Variants in SPOCK1 observed in about 807,000 individuals in gnomAD.
SPOCK1 encodes the protein testican-1.
In SPOCK1, 23 loss-of-function variants were observed where a neutral mutation model predicts 55.3. That is an observed-to-expected ratio of 0.42 (90% CI 0.30 to 0.59). The LOEUF (loss-of-function observed/expected upper bound fraction) is 0.59, where lower values mean the gene tolerates loss of function less well. Ranked by LOEUF, SPOCK1 falls within the 20% of genes least tolerant of loss-of-function variation. SPOCK1 has a pLI of 0.22. For synonymous variants in SPOCK1, 226 were observed against 221.0 expected (o/e 1.02, Z -0.20); for missense variants, 499 against 552.5 (o/e 0.90, Z 0.97).
chr5:137,081,880 G>A (rs1283438202), intron 5 of SPOCK1, among the ~76,000 whole-genome samples: 2 of 152,228 alleles, frequency 1.3e-5, no homozygotes, highest in African/African-American at 4.8e-5. Context: ...TGCAAGAGTC[G>A]ATTCTCTGAT....
At chr5:137,236,231 AG>A (rs34702378) in intron 3 of SPOCK1, among the ~76,000 whole-genome samples, 1 of 152,232 alleles carries the variant, frequency 6.6e-6, no homozygotes, top group African/African-American at 2.4e-5. Context: ...AGGGCCCTCT[AG>A]GCCCAGGAGA....
intron 2 of SPOCK1, among the ~76,000 whole-genome samples, chr5:137,384,340 C>T (rs1027892450): frequency 2.0e-5 from 3 of 152,116 alleles, no homozygotes; most frequent in African/African-American, 7.2e-5. Flanking sequence ...GAACCCAAAC[C>T]CTGCTCTACC....
chr5:137,387,058 G>A (rs1481434790), intron 2 of SPOCK1, among the ~76,000 whole-genome samples: 20 of 152,132 alleles, frequency 1.3e-4, no homozygotes, highest in Admixed American at 1.3e-3. Flanking sequence ...ATGAAAAGAT[G>A]CTTCACATCA....
chr5:137,159,370 T>G (rs576570873), intron 3 of SPOCK1, among the ~76,000 whole-genome samples: 2 of 152,242 alleles, frequency 1.3e-5, no homozygotes, highest in South Asian at 4.2e-4. Context: ...TAAAGCTAAT[T>G]AGGATCATTT....
intron 5 of SPOCK1, among the ~76,000 whole-genome samples, chr5:137,096,603 G>A (rs1753150989): frequency 6.6e-6 from 1 of 152,224 alleles, no homozygotes; most frequent in Admixed American, 6.5e-5. Flanking sequence ...GGCTGCTTGT[G>A]ATACTTGAAA....
chr5:137,200,223 T>A (rs1344135413), intron 3 of SPOCK1, among the ~76,000 whole-genome samples: 1 of 152,208 alleles, frequency 6.6e-6, no homozygotes, highest in African/African-American at 2.4e-5. Context: ...ACAGGCCAGA[T>A]GCACCCTTTT....
At chr5:137,087,424 T>C (rs1752978845) in intron 5 of SPOCK1, among the ~76,000 whole-genome samples, 1 of 152,234 alleles carries the variant, frequency 6.6e-6, no homozygotes. Context: ...ATCACAGAAG[T>C]AAAGTGCTTA....
intron 2 of SPOCK1, among the ~76,000 whole-genome samples, chr5:137,482,574 C>T (rs1753971665): frequency 1.3e-5 from 2 of 152,212 alleles, no homozygotes; most frequent in East Asian, 1.9e-4. Context: ...TGCCTCAAAC[C>T]GACCAAACGG....
chr5:137,307,876 G>T (rs1342893557), intron 2 of SPOCK1, among the ~76,000 whole-genome samples: 1 of 152,196 alleles, frequency 6.6e-6, no homozygotes, highest in Non-Finnish European at 1.5e-5. Flanking sequence ...CTTGCATAGT[G>T]CTGACTCAGT....
At position 137,036,885 on chromosome 5, in the gene SPOCK1, G is replaced by A. The variant is rs565154063; in HGVS notation, c.589+30830C>T. ...GGAAAGGTGAGACAGTGATAGACAC[G>A]GTGAGCAGTTAGCAACAATGAGTCC... On this transcript the variant is annotated intron_variant, in intron 6 of 10. Coordinates refer to ENST00000394945, the MANE Select transcript of SPOCK1 (RefSeq NM_004598.4). Among the ~76,000 whole-genome samples the A allele has an allele frequency of 5.9e-5, 9 of 152,182 alleles. No homozygotes were observed. The South Asian group carries it at 8.3e-4, about 14-fold the overall frequency.
intron 6 of SPOCK1, among the ~76,000 whole-genome samples, chr5:137,024,314 A>AGTT (rs1554093472): frequency 8.4e-6 from 1 of 119,194 alleles, no homozygotes; most frequent in African/African-American, 3.2e-5. Flanking sequence ...ACCAGTTTGA[A>AGTT]GGGGGGGGGG....
At chr5:137,350,606 C>T (rs1054520241) in intron 2 of SPOCK1, among the ~76,000 whole-genome samples, 4 of 152,064 alleles carry the variant, frequency 2.6e-5, no homozygotes, top group Non-Finnish European at 4.4e-5. Context: ...AAAGAGTGCA[C>T]ACACATGGCT....
intron 6 of SPOCK1, among the ~76,000 whole-genome samples, chr5:137,052,011 A>G (rs1752216474): frequency 6.6e-6 from 1 of 152,208 alleles, no homozygotes; most frequent in Non-Finnish European, 1.5e-5. Flanking sequence ...GGCCATTGAG[A>G]TGTAAGCAGA....
chr5:137,261,140 C>T (rs1756735672), intron 3 of SPOCK1, among the ~76,000 whole-genome samples: 1 of 152,114 alleles, frequency 6.6e-6, no homozygotes, highest in African/African-American at 2.4e-5. Flanking sequence ...ACTTTCAAGG[C>T]CCTATAAATG....
intron 3 of SPOCK1, among the ~76,000 whole-genome samples, chr5:137,241,234 T>G (rs938245710): frequency 3.3e-5 from 5 of 152,228 alleles, no homozygotes; most frequent in African/African-American, 1.2e-4. Flanking sequence ...AATTCGAGGT[T>G]AATAAATACA....
At chr5:137,434,666 AT>A (rs1196622655) in intron 2 of SPOCK1, among the ~76,000 whole-genome samples, 17 of 146,282 alleles carry the variant, frequency 1.2e-4, no homozygotes, top group African/African-American at 2.5e-4. Context: ...CGCCCAGCTA[AT>A]TTTTTTTTTA....
At chr5:137,184,054 G>T (rs1413814817) in intron 3 of SPOCK1, among the ~76,000 whole-genome samples, 4 of 152,170 alleles carry the variant, frequency 2.6e-5, no homozygotes, top group Non-Finnish European at 5.9e-5. Flanking sequence ...CAATTGCTAA[G>T]GTGTGGCCTT....
At chr5:137,207,898 CAG>C (rs1399435389) in intron 3 of SPOCK1, among the ~76,000 whole-genome samples, 1 of 152,166 alleles carries the variant, frequency 6.6e-6, no homozygotes, top group African/African-American at 2.4e-5. Context: ...GGTTTACAAT[CAG>C]AGCACAGCTC....
At chr5:137,090,458 A>AC (rs1187029721) in intron 5 of SPOCK1, among the ~76,000 whole-genome samples, 1 of 152,182 alleles carries the variant, frequency 6.6e-6, no homozygotes, top group Non-Finnish European at 1.5e-5. Flanking sequence ...CTGTTCAGGG[A>AC]ACAACCAACC....
Sources: gnomAD v4.1 joint callset for allele counts (sites outside exome capture counted in the v4.1 genomes callset) on GRCh38, gnomAD v4.1.1 for gene constraint, MANE v1.5 for transcripts, NCBI Gene and HGNC (gene_info 2026-07-23, HGNC 2026-07-21) for gene names.